Variants in CEP350 observed in about 807,000 individuals in gnomAD.
CEP350 encodes centrosome-associated protein 350.
Under a neutral mutation model 331.8 loss-of-function variants are expected in CEP350, and 126 were observed. The ratio of observed to expected loss-of-function variants is 0.38; its 90% CI spans 0.33 to 0.44. The LOEUF (loss-of-function observed/expected upper bound fraction) is 0.44, where lower values mean the gene tolerates loss of function less well. Ranked by LOEUF, CEP350 falls within the 20% of genes least tolerant of loss-of-function variation. The pLI is 1.00. For synonymous variants in CEP350, 1,200 were observed against 1,259.5 expected (o/e 0.95, Z 1.00); for missense variants, 3,406 against 3,634.6 (o/e 0.94, Z 1.62).
Position 180,095,273 on chromosome 1 carries a change from C to T in CEP350, c.8512-250C>T, listed in dbSNP as rs146123193. ...AACAGAATAATGATAATACAAAAAG[C>T]GGGGAGAGCCCTAATCAATAAACAT... is the stretch of plus-strand genomic sequence containing the variant. On this transcript the variant is annotated intron_variant, in intron 34 of 37. Coordinates refer to ENST00000367607, the MANE Select transcript of CEP350 (RefSeq NM_014810.5). 121 of 330,328 alleles carry T rather than the reference C, an allele frequency of 3.7e-4. 1 individual carries two copies. The East Asian group carries it at 5.7e-3, about 16-fold the overall frequency. 20.5% of individuals were successfully genotyped at this position (330,328 alleles called of 1,614,324 possible). A position where few individuals can be genotyped will look rare whatever the true frequency, so the allele number is the denominator to read the frequency against.
intron 16 of CEP350, among the ~76,000 whole-genome samples, chr1:180,035,651 C>T (rs1470678271): frequency 6.6e-6 from 1 of 152,196 alleles, no homozygotes; most frequent in Non-Finnish European, 1.5e-5. Context: ...TCTAAGCCCA[C>T]TGTTGAGACC....
chr1:180,012,195 C>A, intron 9 of CEP350, 120 bp downstream of exon 9: 7 of 892,148 alleles, frequency 7.8e-6, no homozygotes, highest in African/African-American at 1.7e-5. Context: ...TTGAATGTAG[C>A]TCAAAAAAGA....
chr1:180,053,905 T>C lies in CEP350; in HGVS notation c.5145T>C (p.Ala1715=). 1 of 1,603,820 alleles carries C rather than the reference T, an allele frequency of 6.2e-7. No homozygotes were observed. Among genetic ancestry groups the C allele is most frequent in the South Asian group, 1.1e-5 (1 of 89,088 alleles). ...AGGCCTTGAAGGAGAAGACTAAGGC[T>C]GAATTGGCCTGGTTAGAGCATCAAA... ...REKALKEKTK[A]ELAWLEHQKK... Residue 1715 remains alanine, a synonymous_variant, in exon 24 of 38, where the codon GCT becomes GCC. Transcript: ENST00000367607.
chr1:179,968,745 A>G (rs1348907069), intron 1 of CEP350: 1 of 607,954 alleles, frequency 1.6e-6, no homozygotes, highest in Non-Finnish European at 3.1e-6. Context: ...TTGACTTCCA[A>G]ATGGAACAGT....
intron 28 of CEP350, among the ~76,000 whole-genome samples, chr1:180,075,607 T>A (rs1442172491): frequency 6.7e-6 from 1 of 150,070 alleles, no homozygotes; most frequent in Non-Finnish European, 1.5e-5. Flanking sequence ...ATGATTGAGG[T>A]GATGCAAATG....
intron 33 of CEP350, among the ~76,000 whole-genome samples, chr1:180,091,724 C>T (rs1214983725): frequency 6.6e-6 from 1 of 151,620 alleles, no homozygotes; most frequent in African/African-American, 2.4e-5. Flanking sequence ...CAGCTATTTG[C>T]AGGGCTGAGG....
intron 27 of CEP350, chr1:180,073,714 T>A (rs1659043030): frequency 8.2e-7 from 1 of 1,214,066 alleles, no homozygotes; most frequent in African/African-American, 1.6e-5. Context: ...CACTCAGCTC[T>A]TACGCTTTCC....
chr1:180,012,712 G>A (rs942366270), intron 9 of CEP350, among the ~76,000 whole-genome samples: 7 of 152,080 alleles, frequency 4.6e-5, no homozygotes, highest in Admixed American at 1.3e-4. Flanking sequence ...TTGAATTTCT[G>A]GAATGGATTC....
At chr1:180,085,107 T>G (rs1659787894) in intron 31 of CEP350, among the ~76,000 whole-genome samples, 1 of 149,900 alleles carries the variant, frequency 6.7e-6, no homozygotes, top group African/African-American at 2.4e-5. Flanking sequence ...CCTTCCCCTT[T>G]CCCCTTTCCC....
intron 36 of CEP350, among the ~76,000 whole-genome samples, chr1:180,098,020 G>T (rs1270594059): frequency 2.0e-5 from 3 of 152,122 alleles, no homozygotes; most frequent in Admixed American, 6.5e-5. Flanking sequence ...GCCCAGGCTG[G>T]AGTACAATGG....
intron 1 of CEP350, among the ~76,000 whole-genome samples, chr1:179,983,711 A>T (rs1652450401): frequency 6.6e-6 from 1 of 152,232 alleles, no homozygotes; most frequent in South Asian, 2.1e-4. Flanking sequence ...TGTTTTTAAT[A>T]TTCAACATAC....
chr1:180,102,706 A>G (rs1422792068), intron 37 of CEP350, among the ~76,000 whole-genome samples: 2 of 152,218 alleles, frequency 1.3e-5, no homozygotes, highest in East Asian at 3.8e-4. Context: ...CACACTTAGT[A>G]TTTCATTAAC....
chr1:179,961,703 G>C (rs565116981), intron 1 of CEP350, among the ~76,000 whole-genome samples: 111 of 152,274 alleles, frequency 7.3e-4, no homozygotes, highest in African/African-American at 2.6e-3. Flanking sequence ...TTTTATTTTA[G>C]ATTTGGGTTG....
intron 27 of CEP350, among the ~76,000 whole-genome samples, chr1:180,072,200 G>A (rs571409238): frequency 6.6e-6 from 1 of 152,084 alleles, no homozygotes; most frequent in Admixed American, 6.5e-5. Flanking sequence ...TTCTTACTCT[G>A]TTTTTTAAAC....
Position 180,064,966 on chromosome 1 carries a change from G to A in CEP350, c.5410-149G>A, listed in dbSNP as rs531637098. The A allele has an allele frequency of 4.7e-5, 33 of 703,468 alleles. No individual in the cohort carries two copies. In the East Asian group the frequency reaches 1.0e-3, roughly 22 times the overall value. 43.6% of individuals were successfully genotyped at this position (703,468 alleles called of 1,614,324 possible). A position where few individuals can be genotyped will look rare whatever the true frequency, so the allele number is the denominator to read the frequency against. On this transcript the variant is annotated intron_variant, in intron 26 of 37. Coordinates refer to ENST00000367607, the MANE Select transcript of CEP350 (RefSeq NM_014810.5). ...TGTACTAGTTTAACCATTTTTAAGT[G>A]TGTGATATATTTTGTCCTTTATTAT... is the stretch of plus-strand genomic sequence containing the variant.
rs975050872 is a variant in CEP350, at chr1:180,020,524, G to C, written c.2750G>C (p.Ser917Thr). ...DDDLPGVGNL[S>T]EFKKLPEMIR... ...GATCTTCCTGGTGTAGGCAATCTTAGTGAATTTAAAAAGCTTCCTGAGATG... is the reference window on the plus strand; with the variant it reads ...GATCTTCCTGGTGTAGGCAATCTTACTGAATTTAAAAAGCTTCCTGAGATG... The change falls in exon 12 of 38, where the codon AGT (serine) becomes ACT (threonine). Residue 917 changes from serine (S) to threonine (T), a missense_variant. Physicochemically the swap from Ser to Thr is moderately conservative, Grantham distance 58 (BLOSUM62 1). Transcript: ENST00000367607. 1.4e-5 allele frequency: 22 copies of C among 1,613,868 alleles called. No individual in the cohort carries two copies. The highest frequency in any genetic ancestry group is 2.2e-5 in the East Asian group (1 of 44,900).
At chr1:179,964,732 G>A (rs935313459) in intron 1 of CEP350, among the ~76,000 whole-genome samples, 3 of 147,784 alleles carry the variant, frequency 2.0e-5, no homozygotes, top group African/African-American at 7.5e-5. Flanking sequence ...TGTCACCTTT[G>A]TCATTTCTGA....
Position 179,955,046 on chromosome 1 carries a change from G to A in CEP350, c.-110G>A. ...GTCCCCGGAGCGGGGAGGCCAGGCC[G>A]GGCAGCCCTGGGGCCGGTCGGGGCG... On this transcript the variant is annotated 5_prime_UTR_variant, in exon 1 of 38. Coordinates refer to ENST00000367607, the MANE Select transcript of CEP350 (RefSeq NM_014810.5). The A allele has an allele frequency of 7.4e-7, 1 of 1,356,520 alleles. No individual in the cohort carries two copies. The allele number at this position is 1,356,520 out of a possible 1,614,324, so 84.0% of individuals were successfully genotyped here.
intron 14 of CEP350, among the ~76,000 whole-genome samples, chr1:180,030,185 A>G (rs1363347061): frequency 1.4e-5 from 2 of 147,960 alleles, no homozygotes; most frequent in Non-Finnish European, 3.0e-5. Context: ...AACCATATAT[A>G]TCTTTAAAGT....
Sources: gnomAD v4.1 joint callset for allele counts (sites outside exome capture counted in the v4.1 genomes callset) on GRCh38, gnomAD v4.1.1 for gene constraint, MANE v1.5 for transcripts, NCBI Gene and HGNC (gene_info 2026-07-23, HGNC 2026-07-21) for gene names.